CYRIB: variants seen among roughly 807,000 people sequenced by gnomAD.
The protein encoded by CYRIB is CYFIP-related Rac1 interactor B.
CYRIB carries 8 observed loss-of-function variants against 44.2 expected under a neutral mutation model. The observed-to-expected ratio is 0.18, with a 90% confidence interval of 0.11 to 0.33. The LOEUF is 0.33. Among genes scored for constraint, CYRIB ranks in the 10% least tolerant of loss-of-function variants. The pLI is 1.00. For synonymous variants in CYRIB, 131 were observed against 127.2 expected (o/e 1.03, Z -0.20); for missense variants, 185 against 382.8 (o/e 0.48, Z 4.31).
chr8:129,872,072 G>C (rs1314143588), intron 3 of CYRIB, among the ~76,000 whole-genome samples: 4 of 152,002 alleles, frequency 2.6e-5, no homozygotes, highest in East Asian at 3.9e-4. Flanking sequence ...TGATATTATA[G>C]GTTAAAGAAG....
chr8:129,950,227 C>T (rs1356501123), intron 2 of CYRIB, among the ~76,000 whole-genome samples: 4 of 152,114 alleles, frequency 2.6e-5, no homozygotes, highest in Non-Finnish European at 2.9e-5. Flanking sequence ...AGTCAGACCC[C>T]GGGCTTGGTC....
At chr8:129,867,078 CAGG>C (rs1787763401) in intron 4 of CYRIB, among the ~76,000 whole-genome samples, 1 of 152,182 alleles carries the variant, frequency 6.6e-6, no homozygotes, top group South Asian at 2.1e-4. Flanking sequence ...CGCTTGAGGC[CAGG>C]AGTTCAAGAC....
chr8:129,994,983 T>A (rs1348085588), intron 1 of CYRIB, among the ~76,000 whole-genome samples: 1 of 152,202 alleles, frequency 6.6e-6, no homozygotes, highest in East Asian at 1.9e-4. Flanking sequence ...GTGGCCAAGC[T>A]GAGGCCACAG....
chr8:130,012,502 C>A (rs560056429), intron 1 of CYRIB, among the ~76,000 whole-genome samples: 265 of 147,870 alleles, frequency 1.8e-3, no homozygotes, highest in Non-Finnish European at 3.2e-3. Context: ...GCACCAGGGG[C>A]TGAGGGAAGA....
chr8:130,014,977 G>A (rs527973483), intron 1 of CYRIB, among the ~76,000 whole-genome samples: 10 of 152,338 alleles, frequency 6.6e-5, no homozygotes, highest in South Asian at 2.1e-4. Flanking sequence ...GTCACCTGGC[G>A]GTGGCAATCA....
At chr8:129,883,490 C>G (rs1305644266) in intron 2 of CYRIB, among the ~76,000 whole-genome samples, 1 of 152,112 alleles carries the variant, frequency 6.6e-6, no homozygotes, top group Admixed American at 6.5e-5. Context: ...TGGAAGTTTT[C>G]AAAGCTCTAA....
intron 4 of CYRIB, among the ~76,000 whole-genome samples, chr8:129,870,194 C>T (rs751166178): frequency 6.6e-6 from 1 of 151,672 alleles, no homozygotes; most frequent in Non-Finnish European, 1.5e-5. Flanking sequence ...TGGGGCGGGG[C>T]GGGGGATCAC....
chr8:129,855,006 G>A (rs1001903166), intron 6 of CYRIB, among the ~76,000 whole-genome samples: 1 of 152,076 alleles, frequency 6.6e-6, no homozygotes, highest in African/African-American at 2.4e-5. Flanking sequence ...AGGAGGAAGG[G>A]AGAAAAAAGA....
intron 2 of CYRIB, among the ~76,000 whole-genome samples, chr8:129,885,356 A>G (rs573085248): frequency 6.6e-6 from 1 of 152,316 alleles, no homozygotes; most frequent in Non-Finnish European, 1.5e-5. Context: ...AAGCATATTT[A>G]TCACAATCTG....
chr8:130,007,514 G>A (rs866702875), intron 1 of CYRIB, among the ~76,000 whole-genome samples: 1 of 152,254 alleles, frequency 6.6e-6, no homozygotes, highest in Non-Finnish European at 1.5e-5. Context: ...GCTGGGCGCA[G>A]TGGCTCACGC....
intron 4 of CYRIB, among the ~76,000 whole-genome samples, chr8:129,863,566 A>G (rs1023308194): frequency 6.6e-6 from 1 of 151,934 alleles, no homozygotes; most frequent in Non-Finnish European, 1.5e-5. Flanking sequence ...GAATTGTCAC[A>G]GATACTTATT....
intron 2 of CYRIB, among the ~76,000 whole-genome samples, chr8:129,950,902 G>A (rs2094467103): frequency 6.6e-6 from 1 of 152,122 alleles, no homozygotes; most frequent in Admixed American, 6.6e-5. Flanking sequence ...TTGCTACTTG[G>A]GGGCAGTACG....
exon 4 of CYRIB, chr8:129,871,457 T>C (rs906768347): frequency 2.5e-6 from 4 of 1,610,694 alleles, no homozygotes; most frequent in Non-Finnish European, 3.4e-6. Context: ...TACATTCACC[T>C]GATTATAAAT....
At chr8:130,012,706 G>A (rs1220501640) in intron 1 of CYRIB, among the ~76,000 whole-genome samples, 5 of 152,174 alleles carry the variant, frequency 3.3e-5, no homozygotes, top group Non-Finnish European at 2.9e-5. Flanking sequence ...GAGCCAGGAT[G>A]TGAACCCAGG....
intron 1 of CYRIB, among the ~76,000 whole-genome samples, chr8:130,006,916 A>T (rs977083653): frequency 3.3e-5 from 5 of 151,594 alleles, no homozygotes; most frequent in African/African-American, 1.2e-4. Context: ...TTCAAATTCA[A>T]TCCCCCAGAG....
At chr8:129,863,802 C>T (rs1209975601) in intron 4 of CYRIB, among the ~76,000 whole-genome samples, 1 of 152,052 alleles carries the variant, frequency 6.6e-6, no homozygotes, top group African/African-American at 2.4e-5. Flanking sequence ...CTTTCATTTG[C>T]CCATAGATGT....
At chr8:129,943,621 AG>A (rs1403048207), upstream of CYRIB, among the ~76,000 whole-genome samples, 4 of 68 alleles carry the variant, frequency 0.059, no homozygotes, top group Non-Finnish European at 0.17. Flanking sequence ...TTTTTGAGAC[AG>A]GAGTCTCGCT....
chr8:129,922,510 C>CA (rs768945260), intron 1 of CYRIB, among the ~76,000 whole-genome samples: 1 of 152,042 alleles, frequency 6.6e-6, no homozygotes, highest in Non-Finnish European at 1.5e-5. Flanking sequence ...AAAATTTGAA[C>CA]ATTATTATAA....
chr8:129,886,649 C>T (rs977680083), intron 2 of CYRIB, among the ~76,000 whole-genome samples: 6 of 152,270 alleles, frequency 3.9e-5, no homozygotes, highest in African/African-American at 7.2e-5. Context: ...CAAAACTGCA[C>T]TGGGAAGGCC....
Sources: gnomAD v4.1 joint callset for allele counts (sites outside exome capture counted in the v4.1 genomes callset) on GRCh38, gnomAD v4.1.1 for gene constraint, MANE v1.5 for transcripts, NCBI Gene and HGNC (gene_info 2026-07-23, HGNC 2026-07-21) for gene names.